The following DPYD variants were observed in gnomAD, a reference collection of about 807,000 sequenced individuals.
The protein encoded by DPYD is dihydropyrimidine dehydrogenase.
A neutral mutation model predicts 116.2 loss-of-function variants in DPYD; 109 were observed. That is an observed-to-expected ratio of 0.94 (90% CI 0.80 to 1.10). The LOEUF (loss-of-function observed/expected upper bound fraction) is 1.10, where lower values mean the gene tolerates loss of function less well. DPYD is among the 50% of genes least tolerant of loss of function. DPYD has a pLI of 0.00. For synonymous variants in DPYD, 440 were observed against 432.0 expected (o/e 1.02, Z -0.23); for missense variants, 1,302 against 1,254.5 (o/e 1.04, Z -0.57).
At chr1:97,717,757 G>A (rs1388480866) in intron 5 of DPYD, among the ~76,000 whole-genome samples, 2 of 151,808 alleles carry the variant, frequency 1.3e-5, no homozygotes, top group African/African-American at 4.8e-5. Flanking sequence ...CATCTACATT[G>A]CAGCGAATGC....
At chr1:97,487,464 GA>G (rs1557746645) in intron 13 of DPYD, among the ~76,000 whole-genome samples, 1 of 152,254 alleles carries the variant, frequency 6.6e-6, no homozygotes, top group East Asian at 1.9e-4. Context: ...ACGAGGTCAG[GA>G]GATCGACACC....
chr1:97,515,726 C>T lies in DPYD; in HGVS notation c.1740G>A (p.Lys580=), dbSNP rs1280659145. 1 of 1,611,652 alleles carries T rather than the reference C, an allele frequency of 6.2e-7. No individual in the cohort carries two copies. Among genetic ancestry groups the T allele is most frequent in the Non-Finnish European group, 8.5e-7 (1 of 1,178,520 alleles). The part of the protein sequence containing the change: ...FALTKTFSLD[K]DIVTNVSPRI... The stretch of plus-strand genomic sequence containing the variant: ...TATGACTTCAATAATATTTTCTTAC[C>T]TTATCAAGAGAGAAAGTTTTGGTGA... Residue 580 remains lysine, a splice_region_variant and synonymous_variant, in exon 13 of 23, where the codon AAG becomes AAA. Transcript: ENST00000370192.
intron 14 of DPYD, among the ~76,000 whole-genome samples, chr1:97,435,297 G>T (rs1675407700): frequency 7.0e-6 from 1 of 142,368 alleles, no homozygotes; most frequent in African/African-American, 2.5e-5. Flanking sequence ...CTAGTTACCT[G>T]TATTAGTATA....
rs1353572143 is a variant in DPYD at position 97,446,190 on chromosome 1, A to G, written c.1905+3869T>C. 4.6e-5 allele frequency among the ~76,000 whole-genome samples: 7 copies of G among 152,298 alleles called. No homozygotes were observed. The East Asian group carries it at 1.3e-3, about 29-fold the overall frequency. ...ACATCAAAATTTGAGTAGTTATTAG[A>G]CCCATCACTAGATTGTTACTTAGTG... On this transcript the variant is annotated intron_variant, in intron 14 of 22. Transcript: ENST00000370192.
Position 97,113,689 on chromosome 1 carries a change from A to T in DPYD, c.2623-15057T>A, listed in dbSNP as rs147643072. The stretch of plus-strand genomic sequence containing the variant: ...TACTACCAAAACAGTGAATAATTTT[A>T]CCTTCATTTATTACAAATTAAAAGC... On this transcript the variant is annotated intron_variant, in intron 20 of 22. Coordinates refer to ENST00000370192, the MANE Select transcript of DPYD (RefSeq NM_000110.4). Among the ~76,000 whole-genome samples, 781 of 152,244 alleles carry T rather than the reference A, an allele frequency of 5.1e-3. 3 individuals are homozygous for T. Among genetic ancestry groups the T allele is most frequent in the Non-Finnish European group, 8.0e-3 (547 of 67,996 alleles).
chr1:97,244,877 A>T (rs943778848), intron 18 of DPYD, among the ~76,000 whole-genome samples: 1 of 152,094 alleles, frequency 6.6e-6, no homozygotes, highest in Non-Finnish European at 1.5e-5. Flanking sequence ...CCAGAGTTCT[A>T]ACTCAGTTTC....
intron 8 of DPYD, among the ~76,000 whole-genome samples, chr1:97,600,566 A>G (rs1282925759): frequency 6.6e-6 from 1 of 152,190 alleles, no homozygotes; most frequent in African/African-American, 2.4e-5. Context: ...TTCCTGCATT[A>G]AAATTCTAGT....
Position 97,857,502 on chromosome 1 carries a change from C to T in DPYD, c.150+25762G>A, listed in dbSNP as rs140405908. Among the ~76,000 whole-genome samples the T allele has an allele frequency of 1.3e-3, 203 of 152,224 alleles. 1 individual carries two copies. Among genetic ancestry groups the T allele is most frequent in the African/African-American group, 4.7e-3 (195 of 41,538 alleles). On this transcript the variant is annotated intron_variant, in intron 2 of 22. Transcript: ENST00000370192. ...CCAATGGCCATGGTTTAATCAGTCA[C>T]GCCTATGTAATGAAGCCTCCATAAA...
At chr1:97,780,033 A>G (rs1395423215) in intron 3 of DPYD, among the ~76,000 whole-genome samples, 1 of 152,212 alleles carries the variant, frequency 6.6e-6, no homozygotes, top group Non-Finnish European at 1.5e-5. Flanking sequence ...ATTTCAGTGA[A>G]GCTTCTAAAA....
At chr1:97,745,615 A>G (rs1034722339) in intron 3 of DPYD, among the ~76,000 whole-genome samples, 5 of 152,112 alleles carry the variant, frequency 3.3e-5, no homozygotes, top group Non-Finnish European at 7.4e-5. Context: ...TACTTTTTGC[A>G]TATTTTGAAT....
At chr1:97,318,889 C>A (rs1668044611) in intron 16 of DPYD, among the ~76,000 whole-genome samples, 1 of 148,926 alleles carries the variant, frequency 6.7e-6, no homozygotes, top group African/African-American at 2.5e-5. Context: ...ATCTCTCAGA[C>A]AACAGTGCAA....
chr1:97,408,748 C>T (rs116310345), intron 14 of DPYD, among the ~76,000 whole-genome samples: 2,574 of 152,234 alleles, frequency 0.017, 37 homozygotes, highest in Non-Finnish European at 0.027. Context: ...TCTGGGTAGG[C>T]ACCATCTGAT....
intron 14 of DPYD, among the ~76,000 whole-genome samples, chr1:97,387,319 T>G (rs952742214): frequency 1.3e-5 from 2 of 152,092 alleles, no homozygotes; most frequent in African/African-American, 4.8e-5. Context: ...AAAAAGGAGC[T>G]TGAGACATTG....
At chr1:97,842,542 C>T (rs1194120591) in intron 2 of DPYD, among the ~76,000 whole-genome samples, 2 of 151,984 alleles carry the variant, frequency 1.3e-5, no homozygotes, top group East Asian at 3.8e-4. Flanking sequence ...CATACAGGAA[C>T]TTATGTTGCA....
At chr1:97,649,750 G>C (rs1037063462) in intron 8 of DPYD, among the ~76,000 whole-genome samples, 4 of 151,986 alleles carry the variant, frequency 2.6e-5, no homozygotes, top group Non-Finnish European at 4.4e-5. Flanking sequence ...GAAGTAGGAA[G>C]TTCCAAAAAG....
intron 19 of DPYD, among the ~76,000 whole-genome samples, chr1:97,206,998 TG>T (rs1308859400): frequency 6.6e-6 from 1 of 152,002 alleles, no homozygotes; most frequent in Admixed American, 6.6e-5. Context: ...TATCATCATT[TG>T]GATCTCATTC....
chr1:97,465,370 A>T lies in DPYD; in HGVS notation c.1741-15147T>A, dbSNP rs190959188. 4.1e-4 allele frequency among the ~76,000 whole-genome samples: 63 copies of T among 152,142 alleles called. No homozygotes were observed. In the Middle Eastern group the frequency reaches 0.014, roughly 33 times the overall value. On this transcript the variant is annotated intron_variant, in intron 13 of 22. Coordinates refer to ENST00000370192, the MANE Select transcript of DPYD (RefSeq NM_000110.4). Reference sequence around the variant, plus strand: ...TCTGGGGGACTGTTGGGAAGGTATGATTGGTTTTGAAATGTGAGGACATGA... The same window carrying T: ...TCTGGGGGACTGTTGGGAAGGTATGTTTGGTTTTGAAATGTGAGGACATGA...
At chr1:97,912,449 G>C (rs1673996213) in intron 1 of DPYD, among the ~76,000 whole-genome samples, 1 of 152,064 alleles carries the variant, frequency 6.6e-6, no homozygotes, top group African/African-American at 2.4e-5. Flanking sequence ...AAATGCTTTT[G>C]ATAGGACAAG....
chr1:97,351,636 CT>C (rs1217621755), intron 16 of DPYD, among the ~76,000 whole-genome samples: 1 of 151,954 alleles, frequency 6.6e-6, no homozygotes, highest in Non-Finnish European at 1.5e-5. Context: ...TATCCCCAAT[CT>C]TATTTAAAAT....
Sources: gnomAD v4.1 joint callset for allele counts (sites outside exome capture counted in the v4.1 genomes callset) on GRCh38, gnomAD v4.1.1 for gene constraint, MANE v1.5 for transcripts, NCBI Gene and HGNC (gene_info 2026-07-23, HGNC 2026-07-21) for gene names.